The following SPSB1 variants were observed in gnomAD, a reference collection of about 807,000 sequenced individuals.
SPSB1 encodes splA/ryanodine receptor domain and SOCS box containing 1.
In SPSB1, 8 loss-of-function variants were observed where a neutral mutation model predicts 21.2. The ratio of observed to expected loss-of-function variants is 0.38; its 90% CI spans 0.22 to 0.68. The LOEUF (loss-of-function observed/expected upper bound fraction) is 0.68, where lower values mean the gene tolerates loss of function less well. Ranked by LOEUF, SPSB1 falls within the 30% of genes least tolerant of loss-of-function variation. SPSB1 has a pLI of 0.53. For missense variants in SPSB1, 242 were observed against 377.8 expected (o/e 0.64, Z 2.98); for synonymous variants, 169 against 161.7 (o/e 1.05, Z -0.34).
At chr1:9,330,121 G>A (rs190750535) in intron 1 of SPSB1, among the ~76,000 whole-genome samples, 14 of 152,264 alleles carry the variant, frequency 9.2e-5, no homozygotes, top group African/African-American at 3.4e-4. Flanking sequence ...GTAAATAATT[G>A]CTAGGTGCTT....
chr1:9,299,123 G>A (rs559398767), intron 1 of SPSB1, among the ~76,000 whole-genome samples: 69 of 152,356 alleles, frequency 4.5e-4, no homozygotes, highest in African/African-American at 1.7e-3. Context: ...AGTGGTGACT[G>A]CAAAATTCAC....
chr1:9,355,573 G>A (rs1640348150), intron 1 of SPSB1, 170 bp from the exon 2 acceptor site: 5 of 647,722 alleles, frequency 7.7e-6, no homozygotes, highest in Non-Finnish European at 1.0e-5. Context: ...GCTAGCCAGG[G>A]AACGGGGGAT....
chr1:9,356,604 G>C lies in SPSB1; in HGVS notation c.694+19G>C, dbSNP rs748245543. The C allele has an allele frequency of 5.1e-6, 8 of 1,565,204 alleles. No homozygotes were observed. The highest frequency in any genetic ancestry group is 8.7e-7 in the Non-Finnish European group (1 of 1,152,124). ...CTCGATCGTAAGTGTCTCCTCTGCTGTCAGAGGCAATGCCCTCCCTCAGTC... is the reference window on the plus strand; with the variant it reads ...CTCGATCGTAAGTGTCTCCTCTGCTCTCAGAGGCAATGCCCTCCCTCAGTC... On this transcript the variant is annotated intron_variant, in intron 2 of 2. Transcript: ENST00000328089. The surrounding 1 kb of genome is among the most constrained non-coding windows in gnomAD (Gnocchi z 7.4).
Position 9,321,048 on chromosome 1 carries a change from G to T in SPSB1, c.-150+27977G>T, listed in dbSNP as rs1051841250. 6.6e-6 allele frequency among the ~76,000 whole-genome samples: 1 copy of T among 152,164 alleles called. No individual in the cohort carries two copies. The highest frequency in any genetic ancestry group is 1.5e-5 in the Non-Finnish European group (1 of 68,036). On this transcript the variant is annotated intron_variant, in intron 1 of 2. Transcript: ENST00000328089. This position sits in a 1 kb window ranked among gnomAD's most constrained non-coding sequence, Gnocchi z 4.8. ...GTGCGGGGGATTCTGGCTGGAAAAG[G>T]CAGCCGTGTAATTACAGGTACTGGA...
chr1:9,366,269 C>G (rs1283169469), intron 2 of SPSB1, among the ~76,000 whole-genome samples: 1 of 152,176 alleles, frequency 6.6e-6, no homozygotes, highest in East Asian at 1.9e-4. Flanking sequence ...GGGGGATCAG[C>G]TGAAACTGGG....
intron 1 of SPSB1, among the ~76,000 whole-genome samples, chr1:9,319,035 G>A (rs28540382): frequency 0.1 from 15,612 of 151,892 alleles, 2,397 homozygotes; most frequent in African/African-American, 0.34. Flanking sequence ...AAAATTAGCC[G>A]GGCATGGTGG....
rs1415928488 is a variant in SPSB1 at position 9,292,934 on chromosome 1, G to C, written c.-287G>C. On this transcript the variant is annotated 5_prime_UTR_variant, in exon 1 of 3. Coordinates refer to ENST00000328089, the MANE Select transcript of SPSB1 (RefSeq NM_025106.4). ...TCGGGCAGCCTGCGCGCTCGCAGCA[G>C]GAACCAGGCTCCAGGCGCCGGCGCC... 1 of 945,318 alleles carries C rather than the reference G, an allele frequency of 1.1e-6. No individual in the cohort carries two copies. The highest frequency in any genetic ancestry group is 1.2e-6 in the Non-Finnish European group (1 of 816,486). 58.6% of individuals were successfully genotyped at this position (945,318 alleles called of 1,614,324 possible). A position where few individuals can be genotyped will look rare whatever the true frequency, so the allele number is the denominator to read the frequency against.
chr1:9,330,603 G>A (rs1464777202), intron 1 of SPSB1, among the ~76,000 whole-genome samples: 10 of 151,998 alleles, frequency 6.6e-5, no homozygotes, highest in South Asian at 2.1e-4. Flanking sequence ...CACCCGACAC[G>A]TTTGGGGGAG....
chr1:9,327,204 T>G (rs1375257076), intron 1 of SPSB1, among the ~76,000 whole-genome samples: 1 of 152,160 alleles, frequency 6.6e-6, no homozygotes, highest in African/African-American at 2.4e-5. Context: ...CATACGATGA[T>G]CCCCCTGAGT....
intron 1 of SPSB1, among the ~76,000 whole-genome samples, chr1:9,315,263 G>T (rs1557449204): frequency 6.6e-6 from 1 of 152,182 alleles, no homozygotes; most frequent in African/African-American, 2.4e-5. Context: ...ATTCCACTGC[G>T]ACAAAAGACC....
In SPSB1 at chr1:9,317,716, G is replaced by C. The variant is rs983600561; in HGVS notation, c.-150+24645G>C. On this transcript the variant is annotated intron_variant, in intron 1 of 2. Transcript: ENST00000328089. The surrounding 1 kb of genome is among the most constrained non-coding windows in gnomAD (Gnocchi z 4.3). ...CAGGCTGGTCTCAAACTCCTGAGCT[G>C]AAGCAGTCCACCCTCCTTGGCCTCC... Among the ~76,000 whole-genome samples, 3 of 152,142 alleles carry C rather than the reference G, an allele frequency of 2.0e-5. No homozygotes were observed. Among genetic ancestry groups the C allele is most frequent in the Non-Finnish European group, 4.4e-5 (3 of 68,010 alleles).
chr1:9,304,715 G>A (rs1409644506), intron 1 of SPSB1, among the ~76,000 whole-genome samples: 1 of 152,110 alleles, frequency 6.6e-6, no homozygotes, highest in Non-Finnish European at 1.5e-5. Context: ...CTTTGAACCT[G>A]TCCTAAGTGG....
In SPSB1 at chr1:9,333,574, G is replaced by A. The variant is rs1035806202; in HGVS notation, c.-149-22169G>A. Among the ~76,000 whole-genome samples the A allele has an allele frequency of 7.2e-5, 11 of 152,092 alleles. No individual in the cohort carries two copies. The South Asian group carries it at 1.2e-3, about 17-fold the overall frequency. On this transcript the variant is annotated intron_variant, in intron 1 of 2. Coordinates refer to ENST00000328089, the MANE Select transcript of SPSB1 (RefSeq NM_025106.4). ...TCGAACTCTTGACCTCAGGTGATCCGCCCACCTCGGCCTCCCAAAGTGCTG... is the reference window on the plus strand; with the variant it reads ...TCGAACTCTTGACCTCAGGTGATCCACCCACCTCGGCCTCCCAAAGTGCTG...
chr1:9,323,280 G>T (rs1244617359), intron 1 of SPSB1, among the ~76,000 whole-genome samples: 1 of 152,226 alleles, frequency 6.6e-6, no homozygotes, highest in African/African-American at 2.4e-5. Flanking sequence ...CGAGCCGAGG[G>T]GGGCTGTGGC....
rs1240291333 is a variant in SPSB1 at position 9,345,469 on chromosome 1, A to C, written c.-149-10274A>C. 6.6e-6 allele frequency among the ~76,000 whole-genome samples: 1 copy of C among 151,958 alleles called. No homozygotes were observed. Among genetic ancestry groups the C allele is most frequent in the African/African-American group, 2.4e-5 (1 of 41,380 alleles). On this transcript the variant is annotated intron_variant, in intron 1 of 2. Transcript: ENST00000328089. The surrounding 1 kb of genome is among the most constrained non-coding windows in gnomAD (Gnocchi z 4.8). ...TTTATTCCTCTTGCCGTGGGAGGGC[A>C]TGTCTGCTGCTGTCTGGGTCACCTT...
intron 1 of SPSB1, among the ~76,000 whole-genome samples, chr1:9,336,882 C>T (rs1157092001): frequency 2.0e-5 from 3 of 152,126 alleles, no homozygotes; most frequent in Non-Finnish European, 2.9e-5. Context: ...CAGGCGGGTA[C>T]GGGTGAGTTT....
At position 9,313,021 on chromosome 1, in the gene SPSB1, T is replaced by C. The variant is rs1054909348; in HGVS notation, c.-150+19950T>C. Among the ~76,000 whole-genome samples the C allele has an allele frequency of 4.6e-5, 7 of 152,224 alleles. No individual in the cohort carries two copies. The East Asian group carries it at 1.2e-3, about 25-fold the overall frequency. ...GTGCCTGGCACTGTTCTGGGCACTTTCCACACATTAACTTACTGACTGCTG... is the reference window on the plus strand; with the variant it reads ...GTGCCTGGCACTGTTCTGGGCACTTCCCACACATTAACTTACTGACTGCTG... On this transcript the variant is annotated intron_variant, in intron 1 of 2. Coordinates refer to ENST00000328089, the MANE Select transcript of SPSB1 (RefSeq NM_025106.4).
At chr1:9,327,097 G>A (rs943532879) in intron 1 of SPSB1, among the ~76,000 whole-genome samples, 2 of 152,144 alleles carry the variant, frequency 1.3e-5, no homozygotes, top group South Asian at 2.1e-4. Context: ...CCGTCGTTTC[G>A]TGGGGAAGAG....
At position 9,293,063 on chromosome 1, in the gene SPSB1, C is replaced by G. The variant is rs4908833; in HGVS notation, c.-158C>G. On this transcript the variant is annotated 5_prime_UTR_variant, in exon 1 of 3. Coordinates refer to ENST00000328089, the MANE Select transcript of SPSB1 (RefSeq NM_025106.4). The surrounding 1 kb of genome is among the most constrained non-coding windows in gnomAD (Gnocchi z 5.1). ...GGAGAGCAGCGGCGGCGGCGGCACC[C>G]CGGGCGCGGTAGGCGGCGCGGGGCA... 263,307 of 981,826 alleles carry G rather than the reference C, an allele frequency of 0.27. 36,782 individuals carry two copies. Among genetic ancestry groups the G allele is most frequent in the East Asian group, 0.59 (5,084 of 8,560 alleles). The allele number at this position is 981,826 out of a possible 1,614,324, so 60.8% of individuals were successfully genotyped here.
Sources: gnomAD v4.1 joint callset for allele counts (sites outside exome capture counted in the v4.1 genomes callset) on GRCh38, gnomAD v4.1.1 for gene constraint, Gnocchi (gnomAD v3.1) non-coding constraint, MANE v1.5 for transcripts, NCBI Gene and HGNC (gene_info 2026-07-23, HGNC 2026-07-21) for gene names.